Variants in GRIN1 observed in about 807,000 individuals in gnomAD.
The protein encoded by GRIN1 is glutamate receptor ionotropic, NMDA 1.
GRIN1 carries 38 observed loss-of-function variants against 103.0 expected under a neutral mutation model. The observed-to-expected ratio is 0.37, with a 90% CI of 0.28 to 0.48. The LOEUF (loss-of-function observed/expected upper bound fraction) is 0.48. GRIN1 is among the 20% of genes least tolerant of loss of function. The pLI, the probability that GRIN1 is intolerant of heterozygous loss-of-function variation, is 0.98. For synonymous variants in GRIN1, 544 were observed against 532.7 expected (o/e 1.02, Z -0.29); for missense variants, 577 against 1,288.9 (o/e 0.45, Z 8.46).
chr9:137,162,327 G>C (rs904259264), intron 12 of GRIN1, 37 bp downstream of exon 12: 11 of 1,549,440 alleles, frequency 7.1e-6, no homozygotes, highest in African/African-American at 6.8e-5. Context: ...CTCCATCTGC[G>C]GGGCGCGGAG....
In GRIN1 at chr9:137,149,009, G is replaced by T; in HGVS notation, c.571G>T (p.Ala191Ser). The T allele has an allele frequency of 6.2e-7, 1 of 1,609,488 alleles. No homozygotes were observed. The highest frequency in any genetic ancestry group is 8.5e-7 in the Non-Finnish European group (1 of 1,176,630). Residue 191 changes from alanine (A) to serine (S), a missense_variant and splice_region_variant, in exon 4 of 20, where the codon GCA (alanine) becomes TCA (serine). Coordinates refer to ENST00000371561, the MANE Select transcript of GRIN1 (RefSeq NM_007327.4). Reference sequence around the variant, plus strand: ...GCTAACACTCTTGCTCACACCGCAGGCAGAGAAGGTGCTGCAGTTTGACCC... The same window carrying T: ...GCTAACACTCTTGCTCACACCGCAGTCAGAGAAGGTGCTGCAGTTTGACCC... ...ETLLEERESK[A>S]EKVLQFDPGT...
intron 19 of GRIN1, 101 bp from the exon 20 acceptor site, chr9:137,167,310 C>T (rs1249165222): frequency 1.1e-6 from 1 of 909,834 alleles, no homozygotes; most frequent in Admixed American, 2.0e-5. Flanking sequence ...CTGCCCCTGT[C>T]CTGTGGCCGG....
At chr9:137,156,043 C>A (rs1833197225) in intron 4 of GRIN1, among the ~76,000 whole-genome samples, 1 of 152,208 alleles carries the variant, frequency 6.6e-6, no homozygotes, top group Non-Finnish European at 1.5e-5. Context: ...AGGGGTGTGG[C>A]CTGTCTAGGA....
chr9:137,154,895 A>C (rs369221884), intron 4 of GRIN1, among the ~76,000 whole-genome samples: 1 of 152,212 alleles, frequency 6.6e-6, no homozygotes, highest in Non-Finnish European at 1.5e-5. Context: ...CCAGGAGTGC[A>C]GAGAGGCAAG....
intron 8 of GRIN1, among the ~76,000 whole-genome samples, chr9:137,159,502 C>T (rs1426995744): frequency 2.6e-5 from 4 of 152,228 alleles, no homozygotes; most frequent in African/African-American, 9.7e-5. Context: ...CACCCAAGCT[C>T]CCTTCCCTGC....
At chr9:137,151,434 C>A (rs867726029) in intron 4 of GRIN1, among the ~76,000 whole-genome samples, 1 of 149,510 alleles carries the variant, frequency 6.7e-6, no homozygotes, top group Non-Finnish European at 1.5e-5. Flanking sequence ...AGAAAAAAGA[C>A]CAGCCCAGAG....
chr9:137,152,615 G>A (rs1476414784), intron 4 of GRIN1, among the ~76,000 whole-genome samples: 1 of 152,044 alleles, frequency 6.6e-6, no homozygotes, highest in Non-Finnish European at 1.5e-5. Context: ...CCCCTGAGCC[G>A]TGCACTGCGG....
intron 4 of GRIN1, among the ~76,000 whole-genome samples, chr9:137,150,882 T>TAA (rs201747646): frequency 2.4e-5 from 1 of 41,150 alleles, no homozygotes; most frequent in African/African-American, 8.6e-5. Context: ...GCCCCGCCCA[T>TAA]AAAAAAGCCC....
chr9:137,148,154 T>TA, intron 3 of GRIN1: 1 of 1,534,730 alleles, frequency 6.5e-7, no homozygotes. Flanking sequence ...TTCATCAGAG[T>TA]AAAAAAAGGA....
At chr9:137,165,531 C>T (rs375880462) in intron 19 of GRIN1, 31 of 561,928 alleles carry the variant, frequency 5.5e-5, no homozygotes, top group African/African-American at 2.1e-4. Flanking sequence ...TTAGTCTGCC[C>T]GCCCACCTCC....
In GRIN1 at chr9:137,167,925, C is replaced by G; in HGVS notation, c.*398C>G. Reference sequence around the variant, plus strand: ...GCTGCTCGGGAAGGCCTGAGGGAAGCCCACCCGCCCCAGAGACTGCCCACC... The same window carrying G: ...GCTGCTCGGGAAGGCCTGAGGGAAGGCCACCCGCCCCAGAGACTGCCCACC... On this transcript the variant is annotated 3_prime_UTR_variant, in exon 20 of 20. Coordinates refer to ENST00000371561, the MANE Select transcript of GRIN1 (RefSeq NM_007327.4). 1.6e-6 allele frequency: 2 copies of G among 1,262,398 alleles called. No individual in the cohort carries two copies. The highest frequency in any genetic ancestry group is 2.3e-6 in the Non-Finnish European group (2 of 885,412). The allele number at this position is 1,262,398 out of a possible 1,614,324, so 78.2% of individuals were successfully genotyped here.
chr9:137,154,137 G>A (rs1156266820), intron 4 of GRIN1, among the ~76,000 whole-genome samples: 1 of 126,204 alleles, frequency 7.9e-6, no homozygotes, highest in Non-Finnish European at 1.7e-5. Flanking sequence ...TTTTTTGTGT[G>A]TGTGTGTGAG....
At chr9:137,157,274 C>T (rs907438344) in intron 6 of GRIN1, among the ~76,000 whole-genome samples, 8 of 152,054 alleles carry the variant, frequency 5.3e-5, no homozygotes, top group East Asian at 1.9e-4. Flanking sequence ...AGGTGGGCGG[C>T]GTCGCTCTCA....
intron 12 of GRIN1, 22 bp from the exon 13 acceptor site, chr9:137,162,366 TCCCGCCCTCTCTCCCG>T: frequency 6.5e-7 from 1 of 1,547,476 alleles, no homozygotes; most frequent in Non-Finnish European, 8.7e-7. Context: ...GGGCCGCCTC[TCCCGCCCTCTCTCCCG>T]CCCGCCCTCT....
chr9:137,163,495 C>CCCCCCCATGG, intron 16 of GRIN1, 64 bp from the exon 17 acceptor site: 1 of 1,356,144 alleles, frequency 7.4e-7, no homozygotes, highest in Non-Finnish European at 1.1e-6. Flanking sequence ...CGGCCCCGCC[C>CCCCCCCATGG]CCAGCTTGCT....
chr9:137,162,115 GC>G, intron 11 of GRIN1, 27 bp downstream of exon 11: 1 of 1,525,026 alleles, frequency 6.6e-7, no homozygotes, highest in Non-Finnish European at 8.9e-7. Context: ...TGGCGGGGTG[GC>G]GGCGGGGGGA....
In GRIN1 at chr9:137,164,009, G is replaced by C. The variant is rs565274414; in HGVS notation, c.2589+105G>C. On this transcript the variant is annotated intron_variant, in intron 18 of 19. Transcript: ENST00000371561. ...CACTGGCTCTGGCTCTGGTGGGCAG[G>C]ACTGGAGCTAGGAGCCATGGCCAGG... The C allele has an allele frequency of 2.0e-4, 271 of 1,367,884 alleles. 7 individuals carry two copies. In the South Asian group the frequency reaches 3.0e-3, roughly 15 times the overall value. 84.7% of individuals were successfully genotyped at this position (1,367,884 alleles called of 1,614,324 possible).
In GRIN1 at chr9:137,162,011, A is replaced by G; in HGVS notation, c.1555A>G (p.Ile519Val). 2 of 1,557,094 alleles carry G rather than the reference A, an allele frequency of 1.3e-6. No individual in the cohort carries two copies. Among genetic ancestry groups the G allele is most frequent in the Non-Finnish European group, 8.7e-7 (1 of 1,150,374 alleles). Residue 519 changes from isoleucine to valine, a missense_variant, in exon 11 of 20, where the codon ATA becomes GTA. Transcript: ENST00000371561. ...AGACATGATCGTGGCGCCGCTAACC[A>G]TAAACAACGAGCGCGCGCAGTACAT... Reference protein sequence around the residue: ...QADMIVAPLTINNERAQYIEF... With the variant: ...QADMIVAPLTVNNERAQYIEF...
Position 137,163,260 on chromosome 9 carries a change from C to T in GRIN1, c.2263C>T (p.Arg755Cys). 1.2e-6 allele frequency: 2 copies of T among 1,613,778 alleles called. No homozygotes were observed. The highest frequency in any genetic ancestry group is 1.7e-6 in the Non-Finnish European group (2 of 1,179,950). ...DLVTTGELFFRSGFGIGMRKD... is the reference protein window; with the variant it reads ...DLVTTGELFFCSGFGIGMRKD... ...GGTGACGACTGGAGAGCTGTTTTTCCGCTCGGGCTTCGGCATAGGCATGCG... is the reference window on the plus strand; with the variant it reads ...GGTGACGACTGGAGAGCTGTTTTTCTGCTCGGGCTTCGGCATAGGCATGCG... Residue 755 changes from arginine to cysteine, a missense_variant, in exon 16 of 20, where the codon CGC becomes TGC. Physicochemically the swap from Arg to Cys is radical, Grantham distance 180. Coordinates refer to ENST00000371561, the MANE Select transcript of GRIN1 (RefSeq NM_007327.4).
Sources: gnomAD v4.1 joint callset for allele counts (sites outside exome capture counted in the v4.1 genomes callset) on GRCh38, gnomAD v4.1.1 for gene constraint, MANE v1.5 for transcripts, NCBI Gene and HGNC (gene_info 2026-07-23, HGNC 2026-07-21) for gene names.